Variants in BLTP1 observed in about 807,000 individuals in gnomAD.
The protein encoded by BLTP1 is fragile site-associated protein.
chr4:122,239,809 T>C, the BLTP1 span: 2 of 1,614,206 alleles, frequency 1.2e-6, no homozygotes, highest in Non-Finnish European at 1.7e-6. Context: ...TCTAATTCAT[T>C]TCATCAGTAT....
chr4:122,238,090 A>C, the BLTP1 span: 1 of 1,612,804 alleles, frequency 6.2e-7, no homozygotes. Context: ...TTGTTTGTTT[A>C]GGTAATGTGA....
the BLTP1 span, chr4:122,234,910 C>T: frequency 6.2e-7 from 1 of 1,612,960 alleles, no homozygotes. Context: ...TTGACACCTT[C>T]CAGTAGCTCT....
At chr4:122,238,991 T>C in the BLTP1 span, among the ~76,000 whole-genome samples, 1 of 152,150 alleles carries the variant, frequency 6.6e-6, no homozygotes. Flanking sequence ...CCTAGCTACC[T>C]TCTTGATGTA....
the BLTP1 span, chr4:122,190,503 A>G: frequency 1.2e-6 from 1 of 848,118 alleles, no homozygotes; most frequent in South Asian, 5.4e-5. Context: ...AGGAAATGGT[A>G]AATGTAGATA....
chr4:122,294,127 G>C, the BLTP1 span, among the ~76,000 whole-genome samples: 2 of 152,008 alleles, frequency 1.3e-5, no homozygotes, highest in South Asian at 2.1e-4. Context: ...TCTCTCCCTG[G>C]GGGGTGGGGC....
the BLTP1 span, chr4:122,355,786 A>G: frequency 6.3e-7 from 1 of 1,583,188 alleles, no homozygotes; most frequent in South Asian, 1.1e-5. Flanking sequence ...CTTTATCATT[A>G]TGCATGTAGA....
the BLTP1 span, among the ~76,000 whole-genome samples, chr4:122,163,687 C>T: frequency 2.6e-5 from 4 of 152,166 alleles, no homozygotes; most frequent in Admixed American, 6.5e-5. Context: ...TATTAGTGTC[C>T]TCACTTTACA....
the BLTP1 span, among the ~76,000 whole-genome samples, chr4:122,332,131 A>T: frequency 1.3e-5 from 2 of 151,986 alleles, no homozygotes; most frequent in Non-Finnish European, 2.9e-5. Context: ...GTGGAGATGT[A>T]GATAAAAAGA....
the BLTP1 span, chr4:122,341,634 A>G: frequency 2.1e-6 from 2 of 957,134 alleles, no homozygotes; most frequent in African/African-American, 1.8e-5. Flanking sequence ...AGCACCCCTC[A>G]TTTTATCATT....
At chr4:122,336,229 G>A in the BLTP1 span, 1 of 1,610,364 alleles carries the variant, frequency 6.2e-7, no homozygotes, top group Non-Finnish European at 8.5e-7. Flanking sequence ...AAACAGCCAA[G>A]TTATATGCCT....
the BLTP1 span, among the ~76,000 whole-genome samples, chr4:122,157,675 C>A: frequency 2.0e-5 from 3 of 152,108 alleles, no homozygotes; most frequent in African/African-American, 4.8e-5. Context: ...GGGTTGGGGA[C>A]CCCTGATCTA....
At chr4:122,282,551 A>G in the BLTP1 span, among the ~76,000 whole-genome samples, 1 of 152,164 alleles carries the variant, frequency 6.6e-6, no homozygotes, top group Non-Finnish European at 1.5e-5. Flanking sequence ...CTGAGGCAGG[A>G]GAATCGCTTG....
At chr4:122,207,779 G>C in the BLTP1 span, 3 of 1,009,334 alleles carry the variant, frequency 3.0e-6, no homozygotes. Flanking sequence ...ACTACCTTTA[G>C]TGTCACAGAG....
At chr4:122,350,157 G>A in the BLTP1 span, 9 of 1,478,282 alleles carry the variant, frequency 6.1e-6, no homozygotes, top group Non-Finnish European at 8.1e-6. Flanking sequence ...ATAATAATCT[G>A]TATGCCCCAC....
the BLTP1 span, chr4:122,237,476 T>C: frequency 1.7e-6 from 1 of 602,430 alleles, no homozygotes; most frequent in Admixed American, 6.3e-5. Context: ...ATACAGTCCC[T>C]GTCAACATTG....
the BLTP1 span, among the ~76,000 whole-genome samples, chr4:122,185,809 GA>G: frequency 9.2e-5 from 14 of 152,058 alleles, no homozygotes; most frequent in African/African-American, 3.4e-4. Flanking sequence ...CTGGAATCTA[GA>G]AATTAAAGTT....
chr4:122,289,115 C>A, the BLTP1 span: 3 of 1,608,002 alleles, frequency 1.9e-6, no homozygotes, highest in Non-Finnish European at 2.6e-6. Flanking sequence ...AATCTTACAA[C>A]TGATCTTCTA....
At chr4:122,249,342 C>G in the BLTP1 span, 4 of 1,310,718 alleles carry the variant, frequency 3.1e-6, no homozygotes, top group Non-Finnish European at 4.1e-6. Context: ...AAAGTTAGCT[C>G]ATTTGCCTGT....
At chr4:122,212,586 A>G in the BLTP1 span, among the ~76,000 whole-genome samples, 2 of 152,166 alleles carry the variant, frequency 1.3e-5, no homozygotes, top group East Asian at 1.9e-4. Flanking sequence ...TTGTGTTACT[A>G]TGTACACATG....
Sources: allele counts gnomAD v4.1 joint callset (sites outside exome capture counted in the v4.1 genomes callset), GRCh38; gene constraint gnomAD v4.1.1; transcripts MANE v1.5; gene names NCBI Gene and HGNC (gene_info 2026-07-23, HGNC 2026-07-21).